The following BABAM2 variants were observed in gnomAD, a reference collection of about 807,000 sequenced individuals.
BABAM2 encodes BRISC and BRCA1-A complex member 2.
Under a neutral mutation model 54.7 loss-of-function variants are expected in BABAM2, and 31 were observed. The observed-to-expected ratio is 0.57, with a 90% confidence interval of 0.43 to 0.77. The LOEUF is 0.77. Ranked by LOEUF, BABAM2 falls within the 30% of genes least tolerant of loss-of-function variation. BABAM2 has a pLI of 0.00. For missense variants in BABAM2, 364 were observed against 455.8 expected (o/e 0.80, Z 1.83); for synonymous variants, 167 against 162.9 (o/e 1.03, Z -0.19).
At chr2:27,888,955 A>C (rs1362501624), upstream of BABAM2, among the ~76,000 whole-genome samples, 2 of 152,240 alleles carry the variant, frequency 1.3e-5, no homozygotes, top group Non-Finnish European at 2.9e-5. Flanking sequence ...CACCAAAGGA[A>C]AGTATTTTTA....
chr2:27,927,391 G>A (rs1309434545), intron 2 of BABAM2, among the ~76,000 whole-genome samples: 1 of 152,168 alleles, frequency 6.6e-6, no homozygotes, highest in Non-Finnish European at 1.5e-5. Flanking sequence ...AAAGATCCTT[G>A]ATTGTGAATG....
chr2:28,328,906 A>C (rs763123883), intron 11 of BABAM2, among the ~76,000 whole-genome samples: 2 of 152,122 alleles, frequency 1.3e-5, no homozygotes, highest in Non-Finnish European at 2.9e-5. Context: ...TTTTGTTTTC[A>C]TTTATTTAAA....
chr2:28,067,274 G>A (rs1202702218), intron 6 of BABAM2, among the ~76,000 whole-genome samples: 1 of 152,182 alleles, frequency 6.6e-6, no homozygotes, highest in East Asian at 1.9e-4. Flanking sequence ...TAGGTAGGTA[G>A]GCAGAGAGAT....
intron 11 of BABAM2, among the ~76,000 whole-genome samples, chr2:28,305,431 T>A (rs887514119): frequency 6.6e-6 from 1 of 152,182 alleles, no homozygotes; most frequent in Non-Finnish European, 1.5e-5. Flanking sequence ...ATTATTAAAT[T>A]TGATTTGCTA....
chr2:27,956,817 A>T (rs1245300045), intron 3 of BABAM2, among the ~76,000 whole-genome samples: 5 of 152,226 alleles, frequency 3.3e-5, no homozygotes, highest in Non-Finnish European at 7.4e-5. Flanking sequence ...TATAGGACTA[A>T]CCAATTTTGC....
At chr2:28,290,990 C>A (rs1030888781) in intron 10 of BABAM2, among the ~76,000 whole-genome samples, 8 of 152,020 alleles carry the variant, frequency 5.3e-5, no homozygotes, top group Non-Finnish European at 1.0e-4. Flanking sequence ...AAGAAAAAAA[C>A]CACTTAAAGA....
chr2:28,263,736 C>A (rs1322465789), intron 10 of BABAM2, among the ~76,000 whole-genome samples: 3 of 152,192 alleles, frequency 2.0e-5, no homozygotes, highest in Non-Finnish European at 4.4e-5. Context: ...CCTCAGAGCA[C>A]GTGGTGGGTA....
intron 10 of BABAM2, among the ~76,000 whole-genome samples, chr2:28,291,365 G>A (rs535414989): frequency 6.6e-6 from 1 of 152,302 alleles, no homozygotes; most frequent in South Asian, 2.1e-4. Flanking sequence ...GGCCGAGGTG[G>A]ATGGATCACC....
intron 6 of BABAM2, among the ~76,000 whole-genome samples, chr2:28,114,805 T>C (rs889136462): frequency 6.6e-6 from 1 of 152,202 alleles, no homozygotes; most frequent in African/African-American, 2.4e-5. Flanking sequence ...TTCCAAGGCA[T>C]GATCTAAACC....
chr2:28,137,634 A>G (rs1183606890), intron 7 of BABAM2, among the ~76,000 whole-genome samples: 4 of 152,240 alleles, frequency 2.6e-5, no homozygotes, highest in Non-Finnish European at 5.9e-5. Flanking sequence ...CCAAAATATC[A>G]TATTTTTGGA....
At chr2:28,262,520 A>G (rs1684621867) in intron 10 of BABAM2, among the ~76,000 whole-genome samples, 1 of 152,014 alleles carries the variant, frequency 6.6e-6, no homozygotes, top group African/African-American at 2.4e-5. Context: ...AACTGGAAAA[A>G]CTGTGATTGA....
chr2:28,026,988 A>AAATATATATATAAATATATAAATATATAT (rs1558668316), intron 5 of BABAM2, among the ~76,000 whole-genome samples: 1 of 114,428 alleles, frequency 8.7e-6, no homozygotes, highest in African/African-American at 3.6e-5. Context: ...AAATATATAT[A>AAATATATATATAAATATATAAATATATAT]AAAATATATA....
chr2:28,018,713 G>T (rs1675028709), intron 4 of BABAM2, among the ~76,000 whole-genome samples: 1 of 152,046 alleles, frequency 6.6e-6, no homozygotes, highest in Non-Finnish European at 1.5e-5. Flanking sequence ...AACTGAAGTG[G>T]TATTGTGTTA....
At chr2:28,169,629 A>C (rs1021046604) in intron 7 of BABAM2, among the ~76,000 whole-genome samples, 1 of 152,058 alleles carries the variant, frequency 6.6e-6, no homozygotes, top group African/African-American at 2.4e-5. Flanking sequence ...AAACAAACAA[A>C]AACAATAGCT....
intron 11 of BABAM2, among the ~76,000 whole-genome samples, chr2:28,333,961 C>T (rs900135814): frequency 2.6e-5 from 4 of 152,216 alleles, no homozygotes; most frequent in Non-Finnish European, 5.9e-5. Flanking sequence ...ATGAAAACAG[C>T]GTTTTAAAAA....
At chr2:28,080,406 A>G (rs1163389533) in intron 6 of BABAM2, among the ~76,000 whole-genome samples, 1 of 152,182 alleles carries the variant, frequency 6.6e-6, no homozygotes, top group Non-Finnish European at 1.5e-5. Context: ...AAAGAGAAGG[A>G]GAGAGAGGTG....
chr2:28,217,180 T>A (rs1679996994), intron 7 of BABAM2, among the ~76,000 whole-genome samples: 1 of 152,202 alleles, frequency 6.6e-6, no homozygotes, highest in Non-Finnish European at 1.5e-5. Context: ...GAGTAGGATA[T>A]GGCAGTGTCT....
At chr2:28,232,988 AT>A (rs1434365503) in intron 7 of BABAM2, among the ~76,000 whole-genome samples, 3 of 152,212 alleles carry the variant, frequency 2.0e-5, no homozygotes, top group Admixed American at 6.5e-5. Flanking sequence ...ACTGGAAAAG[AT>A]TTTAAAACTC....
intron 7 of BABAM2, among the ~76,000 whole-genome samples, chr2:28,221,079 C>T (rs1279119972): frequency 6.6e-5 from 10 of 151,920 alleles, no homozygotes; most frequent in Admixed American, 6.6e-4. Context: ...CTCCTTTCAC[C>T]ACCGCTGCTT....
Sources: allele counts gnomAD v4.1 joint callset (sites outside exome capture counted in the v4.1 genomes callset), GRCh38; gene constraint gnomAD v4.1.1; transcripts MANE v1.5; gene names NCBI Gene and HGNC (gene_info 2026-07-23, HGNC 2026-07-21).